Variants in RGL1 observed in about 807,000 individuals in gnomAD.
RGL1 encodes the protein ral guanine nucleotide dissociation stimulator-like 1.
Under a neutral mutation model 95.2 loss-of-function variants are expected in RGL1, and 24 were observed. The observed-to-expected ratio is 0.25, with a 90% confidence interval of 0.18 to 0.35. RGL1 has a LOEUF of 0.35. Ranked by LOEUF, RGL1 falls within the 10% of genes least tolerant of loss-of-function variation. The probability of loss-of-function intolerance (pLI) is 1.00; values close to 1 mark genes in which losing one functional copy is unlikely to be tolerated. For missense variants in RGL1, 715 were observed against 936.3 expected (o/e 0.76, Z 3.08); for synonymous variants, 329 against 344.9 (o/e 0.95, Z 0.51).
intron 1 of RGL1, among the ~76,000 whole-genome samples, chr1:183,805,971 CTTTTT>C (rs751229707): frequency 8.0e-5 from 6 of 74,642 alleles, no homozygotes; most frequent in Admixed American, 1.6e-4. Flanking sequence ...CTTTTCTTTT[CTTTTT>C]TTTTTTTTTT....
At chr1:183,645,418 CATT>C (rs1262902116) in intron 1 of RGL1, among the ~76,000 whole-genome samples, 2 of 152,238 alleles carry the variant, frequency 1.3e-5, no homozygotes, top group Non-Finnish European at 2.9e-5. Context: ...TCTTCAGTCT[CATT>C]GTTTTCTTGG....
chr1:183,672,028 G>A (rs1652499141), intron 1 of RGL1, among the ~76,000 whole-genome samples: 1 of 151,672 alleles, frequency 6.6e-6, no homozygotes, highest in Non-Finnish European at 1.5e-5. Flanking sequence ...TGCCTCCCAG[G>A]TTCAAGCGAT....
chr1:183,865,252 T>TG (rs1203551649), intron 3 of RGL1, among the ~76,000 whole-genome samples: 1 of 152,186 alleles, frequency 6.6e-6, no homozygotes, highest in Non-Finnish European at 1.5e-5. Flanking sequence ...TAGGGACTGA[T>TG]GAATTATTGA....
chr1:183,785,791 C>A (rs750381256), intron 2 of RGL1, among the ~76,000 whole-genome samples: 47 of 152,144 alleles, frequency 3.1e-4, no homozygotes, highest in Non-Finnish European at 5.3e-4. Context: ...ATCCTTTATT[C>A]AAAATGCTTT....
chr1:183,689,779 C>T (rs537223360), intron 1 of RGL1, among the ~76,000 whole-genome samples: 25 of 152,256 alleles, frequency 1.6e-4, no homozygotes, highest in Middle Eastern at 6.8e-3. Context: ...GGTGGTGGGA[C>T]AGAGGCTACC....
intron 2 of RGL1, among the ~76,000 whole-genome samples, chr1:183,746,813 C>T (rs1438612839): frequency 1.3e-5 from 2 of 152,004 alleles, no homozygotes; most frequent in Non-Finnish European, 2.9e-5. Context: ...CATCCCCCAA[C>T]AGGCCTAGGT....
chr1:183,777,862 CATG>C (rs1469447019), intron 2 of RGL1, among the ~76,000 whole-genome samples: 2 of 152,172 alleles, frequency 1.3e-5, no homozygotes, highest in Non-Finnish European at 2.9e-5. Context: ...TTGAATTCTG[CATG>C]ATGATAGTCT....
chr1:183,896,441 T>G (rs1667706619), intron 9 of RGL1, among the ~76,000 whole-genome samples: 1 of 152,212 alleles, frequency 6.6e-6, no homozygotes, highest in East Asian at 1.9e-4. Flanking sequence ...TGGGAAGAAC[T>G]TAAATAGGTA....
intron 2 of RGL1, among the ~76,000 whole-genome samples, chr1:183,816,903 C>T (rs534100014): frequency 6.6e-6 from 1 of 152,120 alleles, no homozygotes; most frequent in South Asian, 2.1e-4. Context: ...CCAGGTGCAT[C>T]GAGAATGCAG....
chr1:183,653,962 C>T (rs1178124276), intron 1 of RGL1, among the ~76,000 whole-genome samples: 3 of 152,198 alleles, frequency 2.0e-5, no homozygotes, highest in African/African-American at 7.2e-5. Context: ...GGATTATTCC[C>T]TCATTCCCCT....
chr1:183,698,456 T>C (rs1183748531), intron 1 of RGL1, among the ~76,000 whole-genome samples: 1 of 152,232 alleles, frequency 6.6e-6, no homozygotes, highest in African/African-American at 2.4e-5. Flanking sequence ...ATGCCTAAAA[T>C]AGAACAACCA....
chr1:183,793,256 C>T (rs1660522767), intron 2 of RGL1, among the ~76,000 whole-genome samples: 1 of 152,074 alleles, frequency 6.6e-6, no homozygotes, highest in African/African-American at 2.4e-5. Flanking sequence ...GAAACCAGAC[C>T]CCATCTCTCA....
intron 1 of RGL1, among the ~76,000 whole-genome samples, chr1:183,740,006 A>G (rs926566821): frequency 6.6e-6 from 1 of 152,190 alleles, no homozygotes; most frequent in Admixed American, 6.5e-5. Context: ...TTGTTTCCAT[A>G]ATATACGAAG....
intron 3 of RGL1, among the ~76,000 whole-genome samples, chr1:183,861,073 T>C (rs1159729419): frequency 6.6e-6 from 1 of 152,184 alleles, no homozygotes. Context: ...CTCATTTTTC[T>C]CATCTGTAGA....
At chr1:183,686,377 C>A (rs1384328283) in intron 1 of RGL1, among the ~76,000 whole-genome samples, 1 of 152,068 alleles carries the variant, frequency 6.6e-6, no homozygotes, top group African/African-American at 2.4e-5. Context: ...GGTAGGGGCA[C>A]CCCATCTTCA....
intron 1 of RGL1, among the ~76,000 whole-genome samples, chr1:183,700,797 G>T (rs2102141573): frequency 6.6e-6 from 1 of 152,210 alleles, no homozygotes; most frequent in South Asian, 2.1e-4. Flanking sequence ...GCCCACCTCG[G>T]CCTTCCAAAG....
At chr1:183,819,921 A>T (rs185392702) in intron 2 of RGL1, among the ~76,000 whole-genome samples, 46 of 151,948 alleles carry the variant, frequency 3.0e-4, no homozygotes, top group Non-Finnish European at 5.0e-4. Flanking sequence ...AGGGGCTGAG[A>T]CTGCAGGTGC....
intron 3 of RGL1, among the ~76,000 whole-genome samples, chr1:183,849,491 T>TG (rs1286612766): frequency 7.3e-6 from 1 of 137,268 alleles, no homozygotes; most frequent in East Asian, 2.1e-4. Context: ...TAGTTTTTTT[T>TG]TTTTTTTTTT....
intron 2 of RGL1, among the ~76,000 whole-genome samples, chr1:183,809,998 G>A (rs77712703): frequency 0.21 from 32,139 of 152,090 alleles, 3,651 homozygotes; most frequent in African/African-American, 0.27. Context: ...CACTTATCTT[G>A]TGATTTTTGG....
Sources: gnomAD v4.1 joint callset for allele counts (sites outside exome capture counted in the v4.1 genomes callset) on GRCh38, gnomAD v4.1.1 for gene constraint, MANE v1.5 for transcripts, NCBI Gene and HGNC (gene_info 2026-07-23, HGNC 2026-07-21) for gene names.